NDUFA8: variants seen among roughly 807,000 people sequenced by gnomAD.
NDUFA8 encodes NADH dehydrogenase [ubiquinone] 1 alpha subcomplex subunit 8.
Under a neutral mutation model 20.9 loss-of-function variants are expected in NDUFA8, and 16 were observed. The observed-to-expected ratio is 0.77, with a 90% confidence interval of 0.52 to 1.16. The LOEUF is 1.16. Among genes scored for constraint, NDUFA8 ranks in the 50% most tolerant of loss-of-function variants. NDUFA8 has a pLI of 0.00. For missense variants in NDUFA8, 202 were observed against 216.4 expected, an observed-to-expected ratio of 0.93 and a Z score of 0.42; for synonymous variants, 70 against 76.1, an observed-to-expected ratio of 0.92 and a Z score of 0.41.
At chr9:122,157,313 A>G (rs1487831911) in intron 1 of NDUFA8, among the ~76,000 whole-genome samples, 1 of 152,168 alleles carries the variant, frequency 6.6e-6, no homozygotes, top group Non-Finnish European at 1.5e-5. Flanking sequence ...TATTCCCTTT[A>G]TAGTTTCAGA....
In NDUFA8 at chr9:122,146,193, G is replaced by A. The variant is rs530239523; in HGVS notation, c.382-1815C>T. Among the ~76,000 whole-genome samples, 205 of 152,240 alleles carry A rather than the reference G, an allele frequency of 1.3e-3. 1 individual carries two copies. Among genetic ancestry groups the A allele is most frequent in the Non-Finnish European group, 2.5e-3 (170 of 68,022 alleles). ...TTGCCCAGGCTAGTCCTGAACTCGT[G>A]AGCTCAAGCGATCCTCCTGCCTCAG... On this transcript the variant is annotated intron_variant, in intron 3 of 3. Coordinates refer to ENST00000373768, the MANE Select transcript of NDUFA8 (RefSeq NM_014222.3).
intron 3 of NDUFA8, 115 bp from the exon 4 acceptor site, chr9:122,144,493 G>A (rs181892058): frequency 7.5e-4 from 740 of 983,846 alleles, no homozygotes; most frequent in Non-Finnish European, 8.4e-4. Context: ...ACTGCTCCCC[G>A]ACTTAAATTC....
At chr9:122,144,019 A>G, downstream of NDUFA8, 1 of 1,362,800 alleles carries the variant, frequency 7.3e-7, no homozygotes, top group Non-Finnish European at 9.5e-7. Flanking sequence ...TCATCTTTAA[A>G]GGCCAAAAGG....
At chr9:122,136,176 C>T in the NDUFA8 span, among the ~76,000 whole-genome samples, 1 of 152,110 alleles carries the variant, frequency 6.6e-6, no homozygotes, top group South Asian at 2.1e-4. Context: ...TCTCTCTTCA[C>T]TTTTTACAAG....
chr9:122,149,601 C>T (rs987498658), intron 2 of NDUFA8, among the ~76,000 whole-genome samples: 3 of 152,152 alleles, frequency 2.0e-5, no homozygotes, highest in Non-Finnish European at 4.4e-5. Context: ...AAACATTCCC[C>T]GCTTAAAATG....
intron 3 of NDUFA8, among the ~76,000 whole-genome samples, chr9:122,147,455 G>C (rs1005452030): frequency 6.6e-6 from 1 of 152,022 alleles, no homozygotes; most frequent in Non-Finnish European, 1.5e-5. Context: ...GAAAAATGTG[G>C]CATAAGCCTG....
intron 2 of NDUFA8, 120 bp downstream of exon 2, chr9:122,152,125 T>C (rs1829008711): frequency 8.9e-7 from 1 of 1,124,256 alleles, no homozygotes; most frequent in Non-Finnish European, 1.3e-6. Flanking sequence ...TGTTTTACCT[T>C]GGTCTGATTT....
the NDUFA8 span, among the ~76,000 whole-genome samples, chr9:122,138,748 G>A: frequency 1.4e-5 from 2 of 140,102 alleles, no homozygotes; most frequent in African/African-American, 3.2e-5. Flanking sequence ...TGCGCAGGGT[G>A]CTTCTAACAC....
At chr9:122,137,200 C>T in the NDUFA8 span, among the ~76,000 whole-genome samples, 4 of 150,496 alleles carry the variant, frequency 2.7e-5, no homozygotes, top group African/African-American at 9.8e-5. Context: ...CAGCCTCAAA[C>T]GGCAACAAAG....
intron 2 of NDUFA8, 101 bp downstream of exon 2, chr9:122,152,144 A>G (rs1829009148): frequency 6.7e-6 from 9 of 1,339,984 alleles, no homozygotes; most frequent in Middle Eastern, 3.6e-4. Context: ...TTCAAAGCCT[A>G]TGTACTTCCT....
intron 2 of NDUFA8, among the ~76,000 whole-genome samples, chr9:122,151,791 TTTTAC>T (rs4147663): frequency 0.16 from 24,551 of 152,082 alleles, 2,382 homozygotes; most frequent in African/African-American, 0.26. Context: ...CTTAGTTTTT[TTTTAC>T]TTAAGTATCA....
chr9:122,146,644 C>T (rs1828908947), intron 3 of NDUFA8, among the ~76,000 whole-genome samples: 1 of 152,228 alleles, frequency 6.6e-6, no homozygotes, highest in Non-Finnish European at 1.5e-5. Context: ...GACCTGTAAT[C>T]CCATCACACT....
chr9:122,139,989 G>A (rs1321328442), downstream of NDUFA8, among the ~76,000 whole-genome samples: 2 of 152,176 alleles, frequency 1.3e-5, no homozygotes, highest in Non-Finnish European at 2.9e-5. Flanking sequence ...CACCGCGCCC[G>A]GCCCCAGACC....
At chr9:122,143,376 G>C (rs1347025105), downstream of NDUFA8, among the ~76,000 whole-genome samples, 1 of 152,136 alleles carries the variant, frequency 6.6e-6, no homozygotes, top group African/African-American at 2.4e-5. Flanking sequence ...AGAATTGAAT[G>C]AAAGGGGAAA....
the NDUFA8 span, among the ~76,000 whole-genome samples, chr9:122,134,147 C>T: frequency 9.3e-4 from 141 of 152,330 alleles, no homozygotes; most frequent in Non-Finnish European, 1.3e-3. Flanking sequence ...AGATAACTCA[C>T]GTGGAAACGC....
At chr9:122,140,788 G>T (rs1287856854), downstream of NDUFA8, among the ~76,000 whole-genome samples, 1 of 152,208 alleles carries the variant, frequency 6.6e-6, no homozygotes, top group Non-Finnish European at 1.5e-5. Flanking sequence ...CCAGAAGGCA[G>T]GTACTATTAC....
At position 122,149,573 on chromosome 9, in the gene NDUFA8, T is replaced by C. The variant is rs375129634; in HGVS notation, c.216-1296A>G. Among the ~76,000 whole-genome samples the C allele has an allele frequency of 2.0e-4, 30 of 152,350 alleles. No homozygotes were observed. In the South Asian group the frequency reaches 5.4e-3, roughly 27 times the overall value. ...GAGAAATTCCTCTATGGATTCACCTTGGGAATTTGTGAAATCCAAACATTC... is the reference window on the plus strand; with the variant it reads ...GAGAAATTCCTCTATGGATTCACCTCGGGAATTTGTGAAATCCAAACATTC... On this transcript the variant is annotated intron_variant, in intron 2 of 3. Transcript: ENST00000373768.
At chr9:122,145,901 G>A (rs944079616) in intron 3 of NDUFA8, among the ~76,000 whole-genome samples, 4 of 152,274 alleles carry the variant, frequency 2.6e-5, no homozygotes, top group Admixed American at 6.5e-5. Flanking sequence ...TGTAATCCCC[G>A]CACTCTGGGA....
At chr9:122,150,510 C>T (rs1049076059) in intron 2 of NDUFA8, among the ~76,000 whole-genome samples, 2 of 150,432 alleles carry the variant, frequency 1.3e-5, no homozygotes, top group Non-Finnish European at 3.0e-5. Flanking sequence ...GAAATTTATG[C>T]CAAGGAATTA....
Sources: allele counts gnomAD v4.1 joint callset (sites outside exome capture counted in the v4.1 genomes callset), GRCh38; gene constraint gnomAD v4.1.1; transcripts MANE v1.5; gene names NCBI Gene and HGNC (gene_info 2026-07-23, HGNC 2026-07-21).